The following AGPAT3 variants were observed in gnomAD, a reference collection of about 807,000 sequenced individuals.
AGPAT3 encodes the protein 1-acyl-sn-glycerol-3-phosphate acyltransferase gamma.
Under a neutral mutation model 47.3 loss-of-function variants are expected in AGPAT3, and 5 were observed. The observed-to-expected ratio is 0.11, with a 90% CI of 0.06 to 0.22. AGPAT3 has a LOEUF of 0.22. Among genes scored for constraint, AGPAT3 ranks in the 10% least tolerant of loss-of-function variants. The pLI is 1.00. For synonymous variants in AGPAT3, 212 were observed against 208.3 expected (o/e 1.02, Z -0.15); for missense variants, 315 against 493.0 (o/e 0.64, Z 3.42).
chr21:43,917,222 C>A (rs2086751867), intron 2 of AGPAT3, among the ~76,000 whole-genome samples: 1 of 151,414 alleles, frequency 6.6e-6, no homozygotes, highest in African/African-American at 2.4e-5. Context: ...CTCGTCACCT[C>A]CATCCAGGGC....
chr21:43,971,284 T>A, intron 6 of AGPAT3, 104 bp from the exon 7 acceptor site: 3 of 945,466 alleles, frequency 3.2e-6, no homozygotes. Context: ...TCACGCGTTC[T>A]CCCCAGGACG....
chr21:43,917,303 C>A (rs2146141241), intron 2 of AGPAT3, among the ~76,000 whole-genome samples: 1 of 152,312 alleles, frequency 6.6e-6, no homozygotes, highest in African/African-American at 2.4e-5. Flanking sequence ...TGCTGCCCTG[C>A]ACTGCCGTGG....
intron 1 of AGPAT3, among the ~76,000 whole-genome samples, chr21:43,900,535 G>T (rs1385983261): frequency 2.0e-5 from 3 of 152,138 alleles, no homozygotes; most frequent in African/African-American, 4.8e-5. Context: ...GAGTTAAGGG[G>T]CTCCAGGAAG....
At position 43,907,053 on chromosome 21, in the gene AGPAT3, A is replaced by AG. The variant is rs2086517204; in HGVS notation, c.-49+3039dup. Among the ~76,000 whole-genome samples the AG allele has an allele frequency of 2.8e-5, 3 of 108,536 alleles. No homozygotes were observed. In the South Asian group the frequency reaches 8.6e-4, roughly 31 times the overall value. The allele number at this position is 108,536 out of a possible 152,430, so 71.2% of individuals were successfully genotyped here. Reference sequence around the variant, plus strand: ...TCTTTTTTTTTTTTTTTTTTTTGAGAGGGGGTCTCTCTCTGTCTCCCAGGC... The same window carrying AG: ...TCTTTTTTTTTTTTTTTTTTTTGAGAGGGGGGTCTCTCTCTGTCTCCCAGGC... On this transcript the variant is annotated intron_variant, in intron 2 of 9. Coordinates refer to ENST00000291572, the MANE Select transcript of AGPAT3 (RefSeq NM_020132.5).
chr21:43,919,252 G>T (rs1803490864), intron 2 of AGPAT3, among the ~76,000 whole-genome samples: 1 of 88,724 alleles, frequency 1.1e-5, no homozygotes, highest in South Asian at 5.0e-4. Context: ...TGAGATTTTA[G>T]TGCACCTGTC....
At chr21:43,876,268 C>T (rs1272680437) in intron 1 of AGPAT3, among the ~76,000 whole-genome samples, 4 of 152,030 alleles carry the variant, frequency 2.6e-5, no homozygotes, top group Admixed American at 6.6e-5. Context: ...AAAGTAATAC[C>T]GATAATAATA....
chr21:43,895,570 T>C (rs2086197436), intron 1 of AGPAT3, among the ~76,000 whole-genome samples: 1 of 151,832 alleles, frequency 6.6e-6, no homozygotes, highest in Admixed American at 6.6e-5. Flanking sequence ...CTCTTTTGAA[T>C]TTTTTGACAA....
intron 1 of AGPAT3, among the ~76,000 whole-genome samples, chr21:43,872,427 C>T (rs2085642039): frequency 2.0e-5 from 3 of 152,272 alleles, no homozygotes; most frequent in Admixed American, 2.0e-4. Flanking sequence ...GTGATCCACC[C>T]ACCTCGGCCT....
At chr21:43,943,380 T>G (rs1758083544) in intron 2 of AGPAT3, among the ~76,000 whole-genome samples, 1 of 152,146 alleles carries the variant, frequency 6.6e-6, no homozygotes. Flanking sequence ...ACCCGGGACA[T>G]CATTTTCTAC....
At chr21:43,878,623 A>G (rs970487250) in intron 1 of AGPAT3, among the ~76,000 whole-genome samples, 2 of 152,232 alleles carry the variant, frequency 1.3e-5, no homozygotes, top group African/African-American at 4.8e-5. Flanking sequence ...GACGTTAGAC[A>G]CGTTGTTGCT....
At chr21:43,929,486 T>A (rs1344367132) in intron 2 of AGPAT3, among the ~76,000 whole-genome samples, 1 of 152,168 alleles carries the variant, frequency 6.6e-6, no homozygotes, top group East Asian at 1.9e-4. Flanking sequence ...TTTATGTGTG[T>A]CCTTATTTGT....
At chr21:43,977,262 A>G (rs1190958329) in intron 7 of AGPAT3, among the ~76,000 whole-genome samples, 1 of 152,236 alleles carries the variant, frequency 6.6e-6, no homozygotes, top group Non-Finnish European at 1.5e-5. Context: ...TACATTTTTA[A>G]TACTTTTCAT....
chr21:43,942,228 G>A (rs563945725), intron 2 of AGPAT3, among the ~76,000 whole-genome samples: 9 of 152,252 alleles, frequency 5.9e-5, no homozygotes, highest in Non-Finnish European at 5.9e-5. Flanking sequence ...CCACAGAGGC[G>A]GCTTGGTTTT....
At chr21:43,895,509 AT>A (rs10716158) in intron 1 of AGPAT3, among the ~76,000 whole-genome samples, 82,863 of 122,264 alleles carry the variant, frequency 0.68, 27,783 homozygotes, top group South Asian at 0.78. Context: ...TAGTGACAGG[AT>A]TTTTTTTTTT....
intron 2 of AGPAT3, among the ~76,000 whole-genome samples, chr21:43,917,556 G>A (rs899603327): frequency 1.3e-5 from 2 of 152,140 alleles, no homozygotes; most frequent in East Asian, 1.9e-4. Flanking sequence ...AGAGCACGTC[G>A]GGTATAAAGA....
chr21:43,915,889 G>A (rs533601999), intron 2 of AGPAT3, among the ~76,000 whole-genome samples: 80 of 151,778 alleles, frequency 5.3e-4, no homozygotes, highest in Non-Finnish European at 9.1e-4. Flanking sequence ...TTCTCTTACT[G>A]TCTTGCTTTC....
intron 1 of AGPAT3, among the ~76,000 whole-genome samples, chr21:43,898,608 C>A (rs2086280772): frequency 6.6e-6 from 1 of 152,148 alleles, no homozygotes; most frequent in African/African-American, 2.4e-5. Context: ...CTCACTGCAG[C>A]CTCCGCCTCC....
At chr21:43,877,378 G>GCA (rs2085757028) in intron 1 of AGPAT3, among the ~76,000 whole-genome samples, 1 of 152,208 alleles carries the variant, frequency 6.6e-6, no homozygotes, top group Admixed American at 6.5e-5. Context: ...TAGTTAAAGG[G>GCA]CATGTGAGGT....
intron 1 of AGPAT3, among the ~76,000 whole-genome samples, chr21:43,878,358 CT>C (rs1326967562): frequency 6.6e-6 from 1 of 152,266 alleles, no homozygotes; most frequent in African/African-American, 2.4e-5. Context: ...CGTCGTGGCT[CT>C]GTCTCTGCGG....
Sources: allele counts gnomAD v4.1 joint callset (sites outside exome capture counted in the v4.1 genomes callset), GRCh38; gene constraint gnomAD v4.1.1; transcripts MANE v1.5; gene names NCBI Gene and HGNC (gene_info 2026-07-23, HGNC 2026-07-21).